RIC1: variants seen among roughly 807,000 people sequenced by gnomAD.
RIC1 encodes RIC1 partner of RAB6A GEF complex.
Under a neutral mutation model 169.0 loss-of-function variants are expected in RIC1, and 88 were observed. The observed-to-expected ratio is 0.52, with a 90% CI of 0.44 to 0.62. RIC1 has a LOEUF of 0.62. Ranked by LOEUF, RIC1 falls within the 20% of genes least tolerant of loss-of-function variation. The probability of loss-of-function intolerance (pLI) is 0.00; values close to 1 mark genes in which losing one functional copy is unlikely to be tolerated. For synonymous variants in RIC1, 790 were observed against 601.5 expected (o/e 1.31, Z -4.59); for missense variants, 1,877 against 1,725.5 (o/e 1.09, Z -1.56).
At chr9:5,641,633 G>GT (rs1554656256) in intron 1 of RIC1, among the ~76,000 whole-genome samples, 15 of 145,192 alleles carry the variant, frequency 1.0e-4, no homozygotes, top group African/African-American at 1.9e-4. Context: ...GGTCTCCTCT[G>GT]ACTATATTGT....
At chr9:5,726,655 T>C (rs1369611749) in intron 6 of RIC1, among the ~76,000 whole-genome samples, 2 of 152,244 alleles carry the variant, frequency 1.3e-5, no homozygotes, top group African/African-American at 4.8e-5. Flanking sequence ...GCATCGATGG[T>C]CTTTACAATT....
chr9:5,635,383 T>C (rs1332243369), intron 1 of RIC1, among the ~76,000 whole-genome samples: 1 of 152,212 alleles, frequency 6.6e-6, no homozygotes, highest in Non-Finnish European at 1.5e-5. Context: ...TCCAGTTTCC[T>C]TCCTTAGCAT....
chr9:5,671,311 C>T (rs1261859330), intron 2 of RIC1, among the ~76,000 whole-genome samples: 18 of 150,802 alleles, frequency 1.2e-4, no homozygotes, highest in African/African-American at 4.2e-4. Flanking sequence ...GCTCTGTCAC[C>T]CAGACTGGAG....
intron 8 of RIC1, among the ~76,000 whole-genome samples, chr9:5,741,647 C>T (rs1261604645): frequency 6.6e-6 from 1 of 152,046 alleles, no homozygotes; most frequent in East Asian, 1.9e-4. Context: ...TTATTTAGCT[C>T]TTTTTCCAAT....
intron 6 of RIC1, among the ~76,000 whole-genome samples, chr9:5,728,387 TGGAAAAGCGCAG>T (rs1824137316): frequency 6.6e-6 from 1 of 152,236 alleles, no homozygotes; most frequent in Admixed American, 6.5e-5. Context: ...CTAAGACCAT[TGGAAAAGCGCAG>T]TATTAGGGTG....
chr9:5,745,414 A>G (rs1825318695), intron 10 of RIC1, among the ~76,000 whole-genome samples: 1 of 152,302 alleles, frequency 6.6e-6, no homozygotes, highest in Admixed American at 6.5e-5. Flanking sequence ...GAAGAAACTT[A>G]TATCCCGAGA....
chr9:5,652,181 T>G (rs961148283), intron 1 of RIC1, among the ~76,000 whole-genome samples: 5 of 152,226 alleles, frequency 3.3e-5, no homozygotes, highest in African/African-American at 1.2e-4. Flanking sequence ...CAAGATTGCT[T>G]TGGCTATTTG....
At chr9:5,653,467 T>G (rs1279214247) in intron 1 of RIC1, among the ~76,000 whole-genome samples, 1 of 152,230 alleles carries the variant, frequency 6.6e-6, no homozygotes, top group African/African-American at 2.4e-5. Context: ...GAAAATAAAT[T>G]GCTGGGAATT....
intron 3 of RIC1, among the ~76,000 whole-genome samples, chr9:5,698,753 T>TC (rs1822048965): frequency 6.6e-6 from 1 of 152,158 alleles, no homozygotes; most frequent in Non-Finnish European, 1.5e-5. Context: ...ATGAGAAAAA[T>TC]GAGTGATTAG....
intron 15 of RIC1, 28 bp downstream of exon 15, chr9:5,754,958 AT>A: frequency 7.3e-7 from 1 of 1,369,406 alleles, no homozygotes; most frequent in Non-Finnish European, 1.0e-6. Context: ...GAAATAACAG[AT>A]TTTTATATTT....
At chr9:5,629,703 C>T (rs1319897891) in intron 1 of RIC1, among the ~76,000 whole-genome samples, 2 of 152,068 alleles carry the variant, frequency 1.3e-5, no homozygotes, top group African/African-American at 2.4e-5. Context: ...CCGCGTTGGA[C>T]CGACGGCCGC....
At chr9:5,666,072 G>T (rs957252456) in intron 2 of RIC1, among the ~76,000 whole-genome samples, 2 of 152,134 alleles carry the variant, frequency 1.3e-5, no homozygotes, top group African/African-American at 2.4e-5. Flanking sequence ...CCACCACTCA[G>T]GTATACTCCG....
chr9:5,772,721 T>C lies in RIC1; in HGVS notation c.3774T>C (p.His1258=), dbSNP rs1373844417. The C allele has an allele frequency of 6.2e-7, 1 of 1,608,036 alleles. No individual in the cohort carries two copies. Among genetic ancestry groups the C allele is most frequent in the Admixed American group, 1.7e-5 (1 of 58,448 alleles). ...TGGAGTTGGCCAGTAAAGGGCCTCATAAATCCCAGGTCCAGCTTCGGTGAG... is the reference window on the plus strand; with the variant it reads ...TGGAGTTGGCCAGTAAAGGGCCTCACAAATCCCAGGTCCAGCTTCGGTGAG... The part of the protein sequence containing the change: ...ISMELASKGP[H]KSQVQLRYLL... Residue 1258 remains histidine, a synonymous_variant, in exon 24 of 26, where the codon CAT becomes CAC. Coordinates refer to ENST00000414202, the MANE Select transcript of RIC1 (RefSeq NM_020829.4).
rs1826462628 is a variant in RIC1, at chr9:5,763,326, C to T, written c.2299C>T (p.Arg767Trp). The T allele has an allele frequency of 1.9e-6, 3 of 1,614,068 alleles. No homozygotes were observed. Among genetic ancestry groups the T allele is most frequent in the Admixed American group, 1.7e-5 (1 of 60,000 alleles). The change falls in exon 19 of 26, where the codon CGG (arginine) becomes TGG (tryptophan). Residue 767 changes from arginine to tryptophan, a missense_variant. Arg to Trp is a moderately radical substitution (Grantham distance 101, BLOSUM62 -3). Transcript: ENST00000414202. This position sits in a 1 kb window ranked among gnomAD's most constrained non-coding sequence, Gnocchi z 5.2. Reference sequence around the variant, plus strand: ...CAAGCCCCATTCCTTCTTGTCCCAGCGGATCATGCTGCCTTTCCACATCAA... The same window carrying T: ...CAAGCCCCATTCCTTCTTGTCCCAGTGGATCATGCTGCCTTTCCACATCAA... The part of the protein sequence containing the change: ...HRKPHSFLSQ[R>W]IMLPFHINIY...
chr9:5,654,448 C>T (rs1052643424), intron 1 of RIC1, among the ~76,000 whole-genome samples: 1 of 152,114 alleles, frequency 6.6e-6, no homozygotes, highest in Non-Finnish European at 1.5e-5. Context: ...GGGGTTTCAC[C>T]ATGTTGGCGG....
intron 2 of RIC1, among the ~76,000 whole-genome samples, chr9:5,679,047 T>A (rs1374921299): frequency 1.3e-5 from 2 of 152,184 alleles, no homozygotes; most frequent in Non-Finnish European, 2.9e-5. Flanking sequence ...GGATCCAGTT[T>A]CAGCTTTCTA....
intron 19 of RIC1, 116 bp from the exon 20 acceptor site, chr9:5,765,298 A>G (rs1826647081): frequency 4.7e-6 from 5 of 1,069,726 alleles, no homozygotes; most frequent in Non-Finnish European, 4.1e-6. Flanking sequence ...TTATTAAACT[A>G]ACCCCTGTGG....
chr9:5,636,907 A>G (rs73390667), intron 1 of RIC1, among the ~76,000 whole-genome samples: 11,920 of 152,212 alleles, frequency 0.078, 809 homozygotes, highest in African/African-American at 0.18. Flanking sequence ...TGTATTATCT[A>G]TAGTGCCTTG....
rs766996121 is a variant in RIC1 at position 5,738,516 on chromosome 9, G to C, written c.879G>C (p.Glu293Asp). ...CCATGCTGCTATCTCATAAATTAGA[G>C]CTAACAGCAAAACAGTATCCTGGTG... Reference protein sequence around the residue: ...TGAMLLSHKLELTAKQYPDIW... With the variant: ...TGAMLLSHKLDLTAKQYPDIW... The change falls in exon 8 of 26, where the codon GAG becomes GAC. Residue 293 changes from glutamate (E) to aspartate (D), a missense_variant. This residue lies in a region of RIC1 where 1,104 missense variants were observed against 992.0 expected (regional missense o/e 1.11). Coordinates refer to ENST00000414202, the MANE Select transcript of RIC1 (RefSeq NM_020829.4). 3.2e-6 allele frequency: 5 copies of C among 1,556,922 alleles called. No individual in the cohort carries two copies. The highest frequency in any genetic ancestry group is 4.4e-6 in the Non-Finnish European group (5 of 1,139,078).
Sources: gnomAD v4.1 joint callset for allele counts (sites outside exome capture counted in the v4.1 genomes callset) on GRCh38, gnomAD v4.1.1 for gene constraint, gnomAD v4.1.1 regional missense constraint, Gnocchi (gnomAD v3.1) non-coding constraint, MANE v1.5 for transcripts, NCBI Gene and HGNC (gene_info 2026-07-23, HGNC 2026-07-21) for gene names.